The following USP34 variants were observed in gnomAD, a reference collection of about 807,000 sequenced individuals.
USP34 encodes ubiquitin carboxyl-terminal hydrolase 34.
Under a neutral mutation model 460.3 loss-of-function variants are expected in USP34, and 70 were observed. That is an observed-to-expected ratio of 0.15 (90% confidence interval 0.13 to 0.19). The LOEUF is 0.19. Among genes scored for constraint, USP34 ranks in the 10% least tolerant of loss-of-function variants. The probability of loss-of-function intolerance (pLI) is 1.00; values close to 1 mark genes in which losing one functional copy is unlikely to be tolerated. For synonymous variants in USP34, 1,647 were observed against 1,405.3 expected, an observed-to-expected ratio of 1.17 and a Z score of -3.85; for missense variants, 3,985 against 4,236.2, an observed-to-expected ratio of 0.94 and a Z score of 1.65.
At chr2:61,298,235 T>C (rs985751691) in intron 29 of USP34, among the ~76,000 whole-genome samples, 7 of 151,284 alleles carry the variant, frequency 4.6e-5, no homozygotes, top group African/African-American at 1.7e-4. Context: ...CAATAAAATA[T>C]CTGCAGCTGG....
chr2:61,439,008 T>A (rs1694893587), intron 1 of USP34, among the ~76,000 whole-genome samples: 1 of 152,222 alleles, frequency 6.6e-6, no homozygotes, highest in Non-Finnish European at 1.5e-5. Context: ...AAATCAGTGA[T>A]GTTTCCATAT....
chr2:61,199,633 C>G (rs1396498674), intron 75 of USP34, among the ~76,000 whole-genome samples: 2 of 152,214 alleles, frequency 1.3e-5, no homozygotes, highest in Non-Finnish European at 2.9e-5. Flanking sequence ...CCATAGACAG[C>G]TAACCAGTTA....
At chr2:61,364,343 T>G (rs574591950) in intron 10 of USP34, among the ~76,000 whole-genome samples, 178 of 152,260 alleles carry the variant, frequency 1.2e-3, no homozygotes, top group Middle Eastern at 0.01. Context: ...CCAGCCCAAG[T>G]GATACAGCAA....
intron 10 of USP34, among the ~76,000 whole-genome samples, chr2:61,361,627 CCTTAT>C (rs1558549721): frequency 1.3e-5 from 2 of 151,588 alleles, no homozygotes; most frequent in African/African-American, 4.8e-5. Context: ...GAAACTGGAT[CCTTAT>C]CTTATACCAC....
At chr2:61,414,840 A>T (rs1040325628) in intron 2 of USP34, among the ~76,000 whole-genome samples, 5 of 152,152 alleles carry the variant, frequency 3.3e-5, no homozygotes, top group African/African-American at 1.2e-4. Flanking sequence ...GCCCATGATC[A>T]GTCTGAAGTT....
At chr2:61,276,686 T>C (rs1689382212) in intron 41 of USP34, among the ~76,000 whole-genome samples, 1 of 152,214 alleles carries the variant, frequency 6.6e-6, no homozygotes, top group South Asian at 2.1e-4. Flanking sequence ...CTAGTTTATA[T>C]ATAAGAGAAG....
In USP34 at chr2:61,292,281, G is replaced by C. The variant is rs183911504; in HGVS notation, c.4548+1183C>G. 2.0e-5 allele frequency among the ~76,000 whole-genome samples: 3 copies of C among 152,120 alleles called. No individual in the cohort carries two copies. In the East Asian group the frequency reaches 5.8e-4, roughly 29 times the overall value. On this transcript the variant is annotated intron_variant, in intron 33 of 79. Transcript: ENST00000398571. The stretch of plus-strand genomic sequence containing the variant: ...AGAAACAAGAACAATCCTGAACTTA[G>C]AAGTATTTCATAATATTAAGAGAGA...
At chr2:61,426,932 G>T (rs1694529295) in intron 1 of USP34, among the ~76,000 whole-genome samples, 1 of 152,228 alleles carries the variant, frequency 6.6e-6, no homozygotes, top group Admixed American at 6.5e-5. Context: ...AAATTATCCA[G>T]ATCTTGTCCA....
intron 68 of USP34, among the ~76,000 whole-genome samples, chr2:61,213,785 T>C (rs927623710): frequency 6.6e-6 from 1 of 152,196 alleles, no homozygotes; most frequent in African/African-American, 2.4e-5. Context: ...TAGGCACACA[T>C]GAAGAATACA....
chr2:61,470,614 C>T (rs755639796), intron 1 of USP34, 36 bp downstream of exon 1: 8 of 1,502,410 alleles, frequency 5.3e-6, no homozygotes, highest in Middle Eastern at 1.7e-4. Context: ...GACCCCAAAC[C>T]GTGCACCCCG....
chr2:61,322,498 G>A (rs1690956337), intron 21 of USP34, among the ~76,000 whole-genome samples: 1 of 152,158 alleles, frequency 6.6e-6, no homozygotes, highest in Non-Finnish European at 1.5e-5. Context: ...CAGTCCAAAA[G>A]GTTAGAACAA....
Position 61,350,287 on chromosome 2 carries a change from T to C in USP34, c.1480A>G (p.Thr494Ala), listed in dbSNP as rs1379269517. 4.3e-6 allele frequency: 7 copies of C among 1,610,418 alleles called. No homozygotes were observed. The African/African-American group carries it at 8.0e-5, about 18-fold the overall frequency. Reference protein sequence around the residue: ...KQSSFASLLNTNIPIGNKKEE... With the variant: ...KQSSFASLLNANIPIGNKKEE... ...TTCTTATTTCCAATGGGAATATTAG[T>C]ATTTAATAAAGATGCAAAAGAACTC... The change falls in exon 12 of 80, where the codon ACT becomes GCT. Residue 494 changes from threonine (T) to alanine (A), a missense_variant. By Grantham distance (58) the Thr-to-Ala change is moderately conservative (BLOSUM62 0). Around this residue, in one of 14 missense-constraint regions of USP34, gnomAD observed 716 missense variants for 626.2 expected, o/e 1.14. Transcript: ENST00000398571.
intron 5 of USP34, among the ~76,000 whole-genome samples, chr2:61,385,177 C>G (rs1693098558): frequency 6.6e-6 from 1 of 152,044 alleles, no homozygotes; most frequent in South Asian, 2.1e-4. Flanking sequence ...TAGGAGTAAT[C>G]TAACAAGATA....
At chr2:61,313,586 T>G (rs1321706397) in intron 25 of USP34, among the ~76,000 whole-genome samples, 1 of 152,170 alleles carries the variant, frequency 6.6e-6, no homozygotes, top group African/African-American at 2.4e-5. Context: ...TTTGAATAAG[T>G]TACACCACAT....
At chr2:61,233,256 G>A (rs936941293) in intron 57 of USP34, among the ~76,000 whole-genome samples, 4 of 151,828 alleles carry the variant, frequency 2.6e-5, no homozygotes, top group African/African-American at 4.8e-5. Flanking sequence ...TGGATCTATC[G>A]AACAGCCATG....
At chr2:61,206,193 T>TA in intron 71 of USP34, 69 bp from the exon 72 acceptor site, 1 of 1,289,442 alleles carries the variant, frequency 7.8e-7, no homozygotes, top group East Asian at 2.3e-5. Flanking sequence ...TTTTCTACTG[T>TA]AAACTACAGA....
chr2:61,370,675 A>G (rs1231250407), intron 8 of USP34, 96 bp from the exon 9 acceptor site: 1 of 1,036,940 alleles, frequency 9.6e-7, no homozygotes, highest in East Asian at 2.5e-5. Flanking sequence ...ATTTGTTCCT[A>G]TAGGAATTAT....
At chr2:61,465,890 T>G (rs529883916) in intron 1 of USP34, among the ~76,000 whole-genome samples, 1 of 151,850 alleles carries the variant, frequency 6.6e-6, no homozygotes. Context: ...GTCAGGAGAA[T>G]GGCGTGAACC....
chr2:61,311,159 G>A (rs541845320), intron 27 of USP34, among the ~76,000 whole-genome samples: 1 of 152,148 alleles, frequency 6.6e-6, no homozygotes, highest in East Asian at 1.9e-4. Flanking sequence ...CAATGCAACA[G>A]GTTTTAGATG....
Sources: gnomAD v4.1 joint callset for allele counts (sites outside exome capture counted in the v4.1 genomes callset) on GRCh38, gnomAD v4.1.1 for gene constraint, gnomAD v4.1.1 regional missense constraint, MANE v1.5 for transcripts, NCBI Gene and HGNC (gene_info 2026-07-23, HGNC 2026-07-21) for gene names.